The following PKD1L1 variants were observed in gnomAD, a reference collection of about 807,000 sequenced individuals.
PKD1L1 encodes the protein polycystin 1 like 1, transient receptor potential channel interacting.
PKD1L1 carries 236 observed loss-of-function variants against 323.4 expected under a neutral mutation model. That is an observed-to-expected ratio of 0.73 (90% CI 0.66 to 0.81). PKD1L1 has a LOEUF of 0.81. Among genes scored for constraint, PKD1L1 ranks in the 40% least tolerant of loss-of-function variants. The pLI, the probability that PKD1L1 is intolerant of heterozygous loss-of-function variation, is 0.00. For synonymous variants in PKD1L1, 1,344 were observed against 1,335.0 expected, an observed-to-expected ratio of 1.01 and a Z score of -0.15; for missense variants, 3,320 against 3,508.0, an observed-to-expected ratio of 0.95 and a Z score of 1.35.
intron 26 of PKD1L1, among the ~76,000 whole-genome samples, chr7:47,862,380 G>A (rs1190108544): frequency 6.6e-6 from 1 of 152,084 alleles, no homozygotes; most frequent in Non-Finnish European, 1.5e-5. Context: ...ATGAGGAGGG[G>A]AGACTCAGGC....
intron 34 of PKD1L1, among the ~76,000 whole-genome samples, chr7:47,841,080 C>A (rs141141110): frequency 1.9e-3 from 284 of 152,308 alleles, no homozygotes; most frequent in African/African-American, 6.6e-3. Flanking sequence ...ATCAAATTTT[C>A]ATTTAAGAAA....
At chr7:47,852,123 CTT>C (rs1183437777) in intron 31 of PKD1L1, among the ~76,000 whole-genome samples, 1 of 152,166 alleles carries the variant, frequency 6.6e-6, no homozygotes, top group Non-Finnish European at 1.5e-5. Context: ...GGGCCTGCAA[CTT>C]TCTCTCTAAC....
intron 56 of PKD1L1, among the ~76,000 whole-genome samples, chr7:47,778,052 A>T (rs1786608961): frequency 6.6e-6 from 1 of 152,124 alleles, no homozygotes; most frequent in African/African-American, 2.4e-5. Flanking sequence ...GCATAGCACA[A>T]ATTTTTCCTA....
chr7:47,950,822 G>C (rs976387715), upstream of PKD1L1, among the ~76,000 whole-genome samples: 3 of 152,170 alleles, frequency 2.0e-5, no homozygotes, highest in Non-Finnish European at 2.9e-5. Context: ...CACCCTCGGG[G>C]CCAGCGCTGG....
chr7:47,789,271 G>A (rs1418824725), intron 56 of PKD1L1, among the ~76,000 whole-genome samples: 1 of 152,104 alleles, frequency 6.6e-6, no homozygotes, highest in Non-Finnish European at 1.5e-5. Flanking sequence ...TCAGATTTCT[G>A]TCTCTACTCA....
At chr7:47,794,744 C>T (rs1224826043) in intron 55 of PKD1L1, among the ~76,000 whole-genome samples, 1 of 152,162 alleles carries the variant, frequency 6.6e-6, no homozygotes, top group Non-Finnish European at 1.5e-5. Flanking sequence ...GGAGGCTGTA[C>T]CCTGCAAAGC....
intron 46 of PKD1L1, chr7:47,819,617 T>A: frequency 7.6e-7 from 1 of 1,317,502 alleles, no homozygotes; most frequent in Non-Finnish European, 1.0e-6. Flanking sequence ...AAATTCCACT[T>A]AATTTCACTA....
intron 7 of PKD1L1, among the ~76,000 whole-genome samples, chr7:47,917,425 T>C (rs1289117701): frequency 6.6e-6 from 1 of 152,096 alleles, no homozygotes; most frequent in African/African-American, 2.4e-5. Flanking sequence ...TTGAGGGGAA[T>C]AAACTTCCCC....
intron 3 of PKD1L1, among the ~76,000 whole-genome samples, chr7:47,938,286 G>A (rs1040479980): frequency 2.0e-5 from 3 of 152,156 alleles, no homozygotes; most frequent in African/African-American, 7.2e-5. Context: ...GTGTCAAGAA[G>A]GCCAGAGTGG....
At chr7:47,857,494 C>CA in intron 28 of PKD1L1, 111 bp downstream of exon 28, 4 of 886,630 alleles carry the variant, frequency 4.5e-6, no homozygotes, top group Non-Finnish European at 5.2e-6. Context: ...TGCAAACATG[C>CA]AAAAAACAGG....
intron 46 of PKD1L1, among the ~76,000 whole-genome samples, chr7:47,820,744 C>A (rs1785122785): frequency 1.4e-5 from 2 of 139,502 alleles, no homozygotes; most frequent in South Asian, 4.7e-4. Flanking sequence ...AAAAAAAAAA[C>A]TGTTAGAAAT....
chr7:47,822,676 C>CATTA (rs1398384963), intron 45 of PKD1L1, among the ~76,000 whole-genome samples: 5 of 146,826 alleles, frequency 3.4e-5, no homozygotes, highest in African/African-American at 1.3e-4. Flanking sequence ...GACTTCTGAA[C>CATTA]ATTACTGAGT....
At chr7:47,856,947 A>T (rs916019796) in intron 28 of PKD1L1, among the ~76,000 whole-genome samples, 1 of 152,150 alleles carries the variant, frequency 6.6e-6, no homozygotes, top group African/African-American at 2.4e-5. Flanking sequence ...TGCCCTTCCA[A>T]ACTCACTCAT....
rs190713774 is a variant in PKD1L1, at chr7:47,900,460, G to C, written c.2064+1919C>G. On this transcript the variant is annotated intron_variant, in intron 13 of 56. Transcript: ENST00000289672. ...GTAGTGATAGAAAACCGGAAACTTG[G>C]CCAGGCATGGTGGCTCATCGCACAT... 2.6e-5 allele frequency among the ~76,000 whole-genome samples: 4 copies of C among 152,344 alleles called. No individual in the cohort carries two copies. The East Asian group carries it at 7.7e-4, about 29-fold the overall frequency.
In PKD1L1 at chr7:47,842,995, A is replaced by C; in HGVS notation, c.5412T>G (p.Thr1804=). ...GHQLYAVVID[T]GFRAPARLTS... is the part of the protein sequence containing the mutation. ...TCAACCTGGCCGGAGCTCGGAAGCC[A>C]GTGTCAATGACGACCGCATATAGCT... Residue 1804 remains threonine, a synonymous_variant, in exon 34 of 57, where the codon ACT becomes ACG. Transcript: ENST00000289672. 5.0e-6 allele frequency: 8 copies of C among 1,613,788 alleles called. No homozygotes were observed. Among genetic ancestry groups the C allele is most frequent in the Non-Finnish European group, 6.8e-6 (8 of 1,179,842 alleles).
chr7:47,785,359 G>A (rs144287944), intron 56 of PKD1L1, among the ~76,000 whole-genome samples: 254 of 152,288 alleles, frequency 1.7e-3, no homozygotes, highest in African/African-American at 5.9e-3. Context: ...AGTCAATGTT[G>A]TTCATCTTTG....
chr7:47,957,858 A>ATATATATATATATAT, the PKD1L1 span, among the ~76,000 whole-genome samples: 216 of 48,128 alleles, frequency 4.5e-3, 1 homozygote, highest in Non-Finnish European at 9.7e-3. Context: ...TACAATTAAA[A>ATATATATATATATAT]AAAAATATAT....
Position 47,830,072 on chromosome 7 carries a change from C to T in PKD1L1, c.6526G>A (p.Val2176Ile), listed in dbSNP as rs751812640. 1 of 1,614,182 alleles carries T rather than the reference C, an allele frequency of 6.2e-7. No individual in the cohort carries two copies. The highest frequency in any genetic ancestry group is 8.5e-7 in the Non-Finnish European group (1 of 1,180,040). Reference sequence around the variant, plus strand: ...GGCTGGGTGATGAAAATACAGCAGACCACGGAGAGGGACAGCAGGTGCAGC... The same window carrying T: ...GGCTGGGTGATGAAAATACAGCAGATCACGGAGAGGGACAGCAGGTGCAGC... ...QWLHLLSLSVVCCIFITQPLM... is the reference protein window; with the variant it reads ...QWLHLLSLSVICCIFITQPLM... Residue 2176 changes from valine to isoleucine, a missense_variant, in exon 43 of 57, where the codon GTC (valine) becomes ATC (isoleucine). By Grantham distance (29) the Val-to-Ile change is conservative (BLOSUM62 3). Coordinates refer to ENST00000289672, the MANE Select transcript of PKD1L1 (RefSeq NM_138295.5).
intron 54 of PKD1L1, among the ~76,000 whole-genome samples, chr7:47,797,816 T>A (rs1226270167): frequency 6.6e-6 from 1 of 152,224 alleles, no homozygotes. Flanking sequence ...CTAGGAAGAA[T>A]AAATGAGTCT....
Sources: gnomAD v4.1 joint callset for allele counts (sites outside exome capture counted in the v4.1 genomes callset) on GRCh38, gnomAD v4.1.1 for gene constraint, MANE v1.5 for transcripts, NCBI Gene and HGNC (gene_info 2026-07-23, HGNC 2026-07-21) for gene names.